DDX59: variants seen among roughly 807,000 people sequenced by gnomAD.
DDX59 encodes the protein probable ATP-dependent RNA helicase DDX59.
A neutral mutation model predicts 51.9 loss-of-function variants in DDX59; 30 were observed. That is an observed-to-expected ratio of 0.58 (90% confidence interval 0.43 to 0.78). DDX59 has a LOEUF of 0.78. Ranked by LOEUF, DDX59 falls within the 30% of genes least tolerant of loss-of-function variation. The probability of loss-of-function intolerance (pLI) is 0.00; values close to 1 mark genes in which losing one functional copy is unlikely to be tolerated. For missense variants in DDX59, 672 were observed against 730.8 expected, an observed-to-expected ratio of 0.92 and a Z score of 0.93; for synonymous variants, 255 against 253.3, an observed-to-expected ratio of 1.01 and a Z score of -0.06.
At chr1:200,644,594 T>C in intron 7 of DDX59, 77 bp from the exon 8 acceptor site, 1 of 1,482,242 alleles carries the variant, frequency 6.7e-7, no homozygotes, top group Non-Finnish European at 9.0e-7. Context: ...ATGAATAATA[T>C]TACTTAAAGT....
intron 4 of DDX59, among the ~76,000 whole-genome samples, chr1:200,651,712 A>T (rs1002007454): frequency 6.6e-6 from 1 of 152,186 alleles, no homozygotes; most frequent in Non-Finnish European, 1.5e-5. Flanking sequence ...ACATTTTTTT[A>T]AAGTTAGTGC....
intron 4 of DDX59, among the ~76,000 whole-genome samples, chr1:200,657,942 C>A (rs1474890125): frequency 6.6e-6 from 1 of 152,038 alleles, no homozygotes; most frequent in Non-Finnish European, 1.5e-5. Flanking sequence ...CCATTTTCAC[C>A]ATCATTCTTC....
Position 200,666,697 on chromosome 1 carries a change from T to C in DDX59, c.44A>G (p.Asp15Gly), listed in dbSNP as rs1662785295. The change falls in exon 2 of 8, where the codon GAT (aspartate) becomes GGT (glycine). Residue 15 changes from aspartate to glycine, a missense_variant. Transcript: ENST00000331314. The stretch of plus-strand genomic sequence containing the variant: ...CTTAGCCACACAACTTTTGCCATCA[T>C]CATTAGCATTCCTCTTGATTTTTAG... ...RSLKIKRNAN[D>G]DGKSCVAKII... is the part of the protein sequence containing the mutation. 1 of 1,613,446 alleles carries C rather than the reference T, an allele frequency of 6.2e-7. No individual in the cohort carries two copies. Among genetic ancestry groups the C allele is most frequent in the South Asian group, 1.1e-5 (1 of 91,042 alleles).
At chr1:200,660,114 G>GATTACTGTTTC (rs1662284930) in intron 3 of DDX59, among the ~76,000 whole-genome samples, 2 of 152,082 alleles carry the variant, frequency 1.3e-5, no homozygotes, top group South Asian at 4.2e-4. Context: ...TGTTCATTAT[G>GATTACTGTTTC]ATTACTGTTT....
chr1:200,658,849 T>C (rs1400379518), intron 4 of DDX59, among the ~76,000 whole-genome samples, 178 bp downstream of exon 4: 1 of 152,222 alleles, frequency 6.6e-6, no homozygotes, highest in African/African-American at 2.4e-5. Context: ...TTAATTTTAG[T>C]GTAGTACACA....
chr1:200,647,535 C>T, intron 7 of DDX59, among the ~76,000 whole-genome samples: 1 of 149,772 alleles, frequency 6.7e-6, no homozygotes, highest in Middle Eastern at 3.4e-3. Context: ...AAATTTACTA[C>T]TTAAAATTTT....
rs1393075944 is a variant in DDX59 at position 200,665,860 on chromosome 1, T to C, written c.804+77A>G. ...TTAGTTTTAGTCTGCAATTTTAATA[T>C]AGTTAAAAATGAAACTTGGTAAATA... On this transcript the variant is annotated intron_variant, in intron 2 of 7. Transcript: ENST00000331314. The C allele has an allele frequency of 6.3e-6, 9 of 1,437,510 alleles. No individual in the cohort carries two copies. In the Admixed American group the frequency reaches 7.4e-5, roughly 12 times the overall value. The allele number at this position is 1,437,510 out of a possible 1,614,324, so 89.0% of individuals were successfully genotyped here.
intron 4 of DDX59, 71 bp downstream of exon 4, chr1:200,658,956 G>T: frequency 7.7e-7 from 1 of 1,305,400 alleles, no homozygotes; most frequent in Non-Finnish European, 1.1e-6. Flanking sequence ...AACATACAAT[G>T]AAATTATATA....
At chr1:200,645,389 T>C (rs1661234161) in intron 7 of DDX59, among the ~76,000 whole-genome samples, 1 of 152,132 alleles carries the variant, frequency 6.6e-6, no homozygotes, top group African/African-American at 2.4e-5. Flanking sequence ...AGCAATTCTC[T>C]GCCTCAGCTT....
intron 3 of DDX59, among the ~76,000 whole-genome samples, chr1:200,661,215 C>A (rs889954826): frequency 3.3e-5 from 5 of 152,112 alleles, no homozygotes; most frequent in African/African-American, 1.2e-4. Context: ...TAGAGATCAA[C>A]TGGAGTATCA....
chr1:200,659,575 G>T (rs778301769), intron 3 of DDX59, among the ~76,000 whole-genome samples: 2 of 152,224 alleles, frequency 1.3e-5, no homozygotes, highest in African/African-American at 2.4e-5. Context: ...CTATAAACAA[G>T]TGAAAATTCC....
intron 4 of DDX59, among the ~76,000 whole-genome samples, chr1:200,656,246 C>T (rs114614804): frequency 6.6e-6 from 1 of 152,292 alleles, no homozygotes; most frequent in African/African-American, 2.4e-5. Flanking sequence ...AACCCCGTCA[C>T]ACCCATTCAT....
At position 200,650,686 on chromosome 1, in the gene DDX59, A is replaced by G; in HGVS notation, c.1063-10T>C. 1 of 1,592,668 alleles carries G rather than the reference A, an allele frequency of 6.3e-7. No homozygotes were observed. Among genetic ancestry groups the G allele is most frequent in the South Asian group, 1.1e-5 (1 of 88,262 alleles). On this transcript the variant is annotated splice_polypyrimidine_tract_variant and intron_variant, in intron 4 of 7. Transcript: ENST00000331314. The stretch of plus-strand genomic sequence containing the variant: ...TTAACATGGTATCAGCCTAAAATAA[A>G]ATTGTATTAAAGTTAGTCTTGTTTG...
chr1:200,664,594 T>C (rs1662593331), intron 2 of DDX59, among the ~76,000 whole-genome samples: 2 of 152,156 alleles, frequency 1.3e-5, no homozygotes, highest in South Asian at 4.1e-4. Flanking sequence ...TTTTAAACAA[T>C]CTAGCACTTT....
At position 200,659,122 on chromosome 1, in the gene DDX59, T is replaced by G. The variant is rs779642646; in HGVS notation, c.973-6A>C. On this transcript the variant is annotated splice_region_variant and splice_polypyrimidine_tract_variant and intron_variant, in intron 3 of 7. Coordinates refer to ENST00000331314, the MANE Select transcript of DDX59 (RefSeq NM_001031725.6). ...CCAGGGGTTGCTATGATAACCTAAA[T>G]AAAAGAGAAAAAGCAAATTAAAAAA... The G allele has an allele frequency of 1.2e-6, 2 of 1,606,454 alleles. No homozygotes were observed. Among genetic ancestry groups the G allele is most frequent in the South Asian group, 2.2e-5 (2 of 89,938 alleles).
rs1445294341 is a variant in DDX59 at position 200,664,050 on chromosome 1, T to C, written c.841A>G (p.Arg281Gly). The change falls in exon 3 of 8, where the codon AGA becomes GGA. Residue 281 changes from arginine to glycine, a missense_variant. Arg to Gly is a moderately radical substitution (Grantham distance 125). Transcript: ENST00000331314. ...CTCTCTATCTGAATGGCTAACTCTCTGGTTGGTGTAAGAATGAGCGCAGAT... is the reference window on the plus strand; with the variant it reads ...CTCTCTATCTGAATGGCTAACTCTCCGGTTGGTGTAAGAATGAGCGCAGAT... ...TPSALILTPT[R>G]ELAIQIERQA... The C allele has an allele frequency of 2.5e-6, 4 of 1,614,060 alleles. No individual in the cohort carries two copies. The highest frequency in any genetic ancestry group is 8.5e-7 in the Non-Finnish European group (1 of 1,180,026).
At chr1:200,656,639 A>G (rs548385164) in intron 4 of DDX59, among the ~76,000 whole-genome samples, 2 of 152,356 alleles carry the variant, frequency 1.3e-5, no homozygotes, top group South Asian at 2.1e-4. Flanking sequence ...CAGGCTGCAC[A>G]TACAGGCACT....
In DDX59 at chr1:200,650,412, C is replaced by A. The variant is rs747753860; in HGVS notation, c.1314+13G>T. On this transcript the variant is annotated intron_variant, in intron 5 of 7. Transcript: ENST00000331314. ...ACAATCCATAAAACATAGTTAACTG[C>A]TTTACTACTCACATTTAAAATTTCA... is the stretch of plus-strand genomic sequence containing the variant. The A allele has an allele frequency of 1.9e-6, 3 of 1,606,414 alleles. No homozygotes were observed. The African/African-American group carries it at 4.0e-5, about 22-fold the overall frequency.
In DDX59 at chr1:200,650,605, A is replaced by G. The variant is rs770302480; in HGVS notation, c.1134T>C (p.Cys378=). 1 of 1,614,084 alleles carries G rather than the reference A, an allele frequency of 6.2e-7. No homozygotes were observed. The highest frequency in any genetic ancestry group is 8.5e-7 in the Non-Finnish European group (1 of 1,179,980). The change falls in exon 5 of 8, where the codon TGT becomes TGC. Residue 378 remains cysteine (C), a synonymous_variant. Transcript: ENST00000331314. ...LDILENIPND[C]QTILVSATIP... ...TTGTGGCTGAAACCAAAATGGTCTG[A>G]CAATCATTAGGAATGTTTTCCAAAA...
Sources: gnomAD v4.1 joint callset for allele counts (sites outside exome capture counted in the v4.1 genomes callset) on GRCh38, gnomAD v4.1.1 for gene constraint, MANE v1.5 for transcripts, NCBI Gene and HGNC (gene_info 2026-07-23, HGNC 2026-07-21) for gene names.